The following CA1 variants were observed in gnomAD, a reference collection of about 807,000 sequenced individuals.
The protein encoded by CA1 is carbonic anhydrase 1.
In CA1, 27 loss-of-function variants were observed where a neutral mutation model predicts 28.8. The observed-to-expected ratio is 0.94, with a 90% CI of 0.69 to 1.29. CA1 has a LOEUF of 1.29. Among genes scored for constraint, CA1 ranks in the 50% most tolerant of loss-of-function variants. The pLI, the probability that CA1 is intolerant of heterozygous loss-of-function variation, is 0.00. For missense variants in CA1, 335 were observed against 310.5 expected (o/e 1.08, Z -0.59); for synonymous variants, 121 against 108.8 (o/e 1.11, Z -0.70).
chr8:85,367,272 A>G (rs926289679), intron 1 of CA1, among the ~76,000 whole-genome samples: 2 of 152,136 alleles, frequency 1.3e-5, no homozygotes, highest in East Asian at 1.9e-4. Flanking sequence ...CCCCCTTTTG[A>G]ATACTATTTT....
intron 4 of CA1, among the ~76,000 whole-genome samples, chr8:85,335,711 G>C (rs1010493105): frequency 6.6e-6 from 1 of 152,006 alleles, no homozygotes; most frequent in Non-Finnish European, 1.5e-5. Context: ...TAGTTTTCTT[G>C]GATACTACCA....
chr8:85,330,231 G>A (rs530758387), intron 6 of CA1, among the ~76,000 whole-genome samples: 1 of 152,084 alleles, frequency 6.6e-6, no homozygotes, highest in South Asian at 2.1e-4. Context: ...AATCTTTATT[G>A]ACATGCATAT....
chr8:85,370,205 T>C (rs1276837619), intron 1 of CA1, among the ~76,000 whole-genome samples: 1 of 152,222 alleles, frequency 6.6e-6, no homozygotes, highest in Non-Finnish European at 1.5e-5. Context: ...ATGCTTCTTG[T>C]ATTTTATATG....
chr8:85,363,377 T>A (rs1809876032), intron 1 of CA1, among the ~76,000 whole-genome samples: 1 of 152,222 alleles, frequency 6.6e-6, no homozygotes, highest in Admixed American at 6.5e-5. Flanking sequence ...GGCATATCCG[T>A]GAAAATGTCA....
chr8:85,361,291 T>C (rs1454433382), intron 1 of CA1, among the ~76,000 whole-genome samples: 1 of 152,158 alleles, frequency 6.6e-6, no homozygotes, highest in Non-Finnish European at 1.5e-5. Context: ...CATCAAATAA[T>C]GAGTTCATGA....
At chr8:85,329,211 A>T (rs1808296144) in intron 7 of CA1, among the ~76,000 whole-genome samples, 1 of 152,230 alleles carries the variant, frequency 6.6e-6, no homozygotes, top group South Asian at 2.1e-4. Flanking sequence ...CGTAATAAAC[A>T]TGGTAGAGCA....
intron 1 of CA1, among the ~76,000 whole-genome samples, chr8:85,344,553 C>A (rs947561236): frequency 1.3e-5 from 2 of 151,174 alleles, no homozygotes; most frequent in Non-Finnish European, 2.9e-5. Flanking sequence ...AACTTTTGTT[C>A]TTCTAGTTCC....
chr8:85,341,796 G>T, intron 1 of CA1, 137 bp from the exon 2 acceptor site: 1 of 606,204 alleles, frequency 1.6e-6, no homozygotes, highest in Non-Finnish European at 3.0e-6. Context: ...TGCTTATCAG[G>T]AAGTACACAT....
intron 1 of CA1, 148 bp from the exon 2 acceptor site, chr8:85,341,807 A>G (rs1808945321): frequency 1.8e-6 from 1 of 563,018 alleles, no homozygotes; most frequent in Non-Finnish European, 3.2e-6. Context: ...AAGTACACAT[A>G]TCTAAAAAAA....
chr8:85,334,290 G>C (rs1353084313), intron 4 of CA1, among the ~76,000 whole-genome samples: 1 of 152,118 alleles, frequency 6.6e-6, no homozygotes, highest in East Asian at 1.9e-4. Context: ...CAATCAATAA[G>C]TACAACAACT....
At chr8:85,360,071 C>G (rs1229071421) in intron 1 of CA1, among the ~76,000 whole-genome samples, 7 of 152,176 alleles carry the variant, frequency 4.6e-5, no homozygotes, top group Non-Finnish European at 5.9e-5. Flanking sequence ...CGGTTCAAGT[C>G]CCATTGAATC....
chr8:85,332,603 C>T, intron 5 of CA1, 51 bp from the exon 6 acceptor site: 1 of 1,333,836 alleles, frequency 7.5e-7, no homozygotes, highest in Non-Finnish European at 1.1e-6. Context: ...ATCAATCGAA[C>T]ACTGCTTAGC....
At chr8:85,371,507 A>G (rs993313606) in intron 1 of CA1, among the ~76,000 whole-genome samples, 1 of 152,122 alleles carries the variant, frequency 6.6e-6, no homozygotes, top group Non-Finnish European at 1.5e-5. Flanking sequence ...TGAATATTGC[A>G]GGCTTTAATG....
At chr8:85,362,945 G>T (rs1809855524) in intron 1 of CA1, among the ~76,000 whole-genome samples, 1 of 152,132 alleles carries the variant, frequency 6.6e-6, no homozygotes. Context: ...TATCAATATA[G>T]TCATCTGTGT....
chr8:85,341,424 A>G (rs1291598913), intron 2 of CA1, 175 bp downstream of exon 2: 6 of 542,488 alleles, frequency 1.1e-5, no homozygotes, highest in Non-Finnish European at 2.0e-5. Context: ...TTTTGTAGTC[A>G]GCCATGCCCC....
At chr8:85,340,793 C>T (rs919173036) in intron 2 of CA1, among the ~76,000 whole-genome samples, 3 of 152,052 alleles carry the variant, frequency 2.0e-5, no homozygotes, top group East Asian at 1.9e-4. Context: ...CTTCAGCAAC[C>T]ACTATCCTGA....
intron 1 of CA1, among the ~76,000 whole-genome samples, chr8:85,371,508 G>A (rs1810227807): frequency 6.6e-6 from 1 of 152,028 alleles, no homozygotes; most frequent in African/African-American, 2.4e-5. Context: ...GAATATTGCA[G>A]GCTTTAATGC....
At chr8:85,371,341 G>A (rs762766215) in intron 1 of CA1, among the ~76,000 whole-genome samples, 4 of 151,984 alleles carry the variant, frequency 2.6e-5, no homozygotes, top group Non-Finnish European at 4.4e-5. Context: ...TAATTCTTTT[G>A]GTCATGCATT....
At chr8:85,332,753 A>C (rs1564019967) in intron 5 of CA1, among the ~76,000 whole-genome samples, 1 of 152,190 alleles carries the variant, frequency 6.6e-6, no homozygotes, top group Non-Finnish European at 1.5e-5. Context: ...GTACCTACAG[A>C]TAAAAGTAGC....
Sources: allele counts gnomAD v4.1 joint callset (sites outside exome capture counted in the v4.1 genomes callset), GRCh38; gene constraint gnomAD v4.1.1; transcripts MANE v1.5; gene names NCBI Gene and HGNC (gene_info 2026-07-23, HGNC 2026-07-21).